The following PHF7 variants were observed in gnomAD, a reference collection of about 807,000 sequenced individuals.
The protein encoded by PHF7 is PHD finger protein 7, also known as E3 ubiquitin-protein ligase PHF7.
In PHF7, 24 loss-of-function variants were observed where a neutral mutation model predicts 47.5. The observed-to-expected ratio is 0.51, with a 90% CI of 0.37 to 0.71. The LOEUF is 0.71. Ranked by LOEUF, PHF7 falls within the 30% of genes least tolerant of loss-of-function variation. The pLI, the probability that PHF7 is intolerant of heterozygous loss-of-function variation, is 0.00. For missense variants in PHF7, 361 were observed against 456.8 expected (o/e 0.79, Z 1.91); for synonymous variants, 156 against 153.8 (o/e 1.01, Z -0.11).
At position 52,419,815 on chromosome 3, in the gene PHF7, G is replaced by T; in HGVS notation, c.187-18G>T. ...ACTGATCATCATTGTTAACAGCCTGGTTCTACTGCCCCCGCAGATCTTATC... is the reference window on the plus strand; with the variant it reads ...ACTGATCATCATTGTTAACAGCCTGTTTCTACTGCCCCCGCAGATCTTATC... On this transcript the variant is annotated intron_variant, in intron 4 of 10. Coordinates refer to ENST00000327906, the MANE Select transcript of PHF7 (RefSeq NM_016483.7). 1 of 1,379,704 alleles carries T rather than the reference G, an allele frequency of 7.2e-7. No homozygotes were observed. Among genetic ancestry groups the T allele is most frequent in the South Asian group, 1.2e-5 (1 of 83,102 alleles). The allele number at this position is 1,379,704 out of a possible 1,614,324, so 85.5% of individuals were successfully genotyped here. A position where few individuals can be genotyped will look rare whatever the true frequency, so the allele number is the denominator to read the frequency against.
chr3:52,423,085 C>T lies in PHF7; in HGVS notation c.920-6C>T, dbSNP rs1406420447. The T allele has an allele frequency of 6.3e-6, 10 of 1,597,176 alleles. No individual in the cohort carries two copies. Among genetic ancestry groups the T allele is most frequent in the Non-Finnish European group, 8.6e-6 (10 of 1,164,700 alleles). The stretch of plus-strand genomic sequence containing the variant: ...GAGTTTTCCTCTCCTGCCTTTCTCT[C>T]ACCAGACTACATACCTGAAAACTCA... On this transcript the variant is annotated splice_polypyrimidine_tract_variant and splice_region_variant and intron_variant, in intron 10 of 10. Coordinates refer to ENST00000327906, the MANE Select transcript of PHF7 (RefSeq NM_016483.7).
chr3:52,417,422 A>G (rs1220241138), intron 4 of PHF7, among the ~76,000 whole-genome samples: 2 of 152,344 alleles, frequency 1.3e-5, no homozygotes, highest in South Asian at 2.1e-4. Context: ...ATCCATGGAC[A>G]TGGTATATTT....
chr3:52,415,618 A>G (rs1705599858), intron 4 of PHF7, among the ~76,000 whole-genome samples: 1 of 152,218 alleles, frequency 6.6e-6, no homozygotes, highest in Non-Finnish European at 1.5e-5. Flanking sequence ...TACTTCATAT[A>G]AGTGAAATCA....
chr3:52,418,634 TAA>T (rs1049637878), intron 4 of PHF7, among the ~76,000 whole-genome samples: 1 of 152,126 alleles, frequency 6.6e-6, no homozygotes, highest in African/African-American at 2.4e-5. Context: ...TTCTCTGTAC[TAA>T]GAGGTGATGC....
At chr3:52,417,446 G>C (rs1437549167) in intron 4 of PHF7, among the ~76,000 whole-genome samples, 1 of 152,032 alleles carries the variant, frequency 6.6e-6, no homozygotes, top group Non-Finnish European at 1.5e-5. Context: ...CACTTATTTG[G>C]GTCTTTTAAA....
In PHF7 at chr3:52,423,469, T is replaced by G. The variant is rs1705860268; in HGVS notation, c.*152T>G. 1.6e-6 allele frequency: 1 copy of G among 607,492 alleles called. No homozygotes were observed. The highest frequency in any genetic ancestry group is 2.9e-6 in the Non-Finnish European group (1 of 339,350). 37.6% of individuals were successfully genotyped at this position (607,492 alleles called of 1,614,324 possible). A position where few individuals can be genotyped will look rare whatever the true frequency, so the allele number is the denominator to read the frequency against. On this transcript the variant is annotated 3_prime_UTR_variant, in exon 11 of 11. Coordinates refer to ENST00000327906, the MANE Select transcript of PHF7 (RefSeq NM_016483.7). ...AGCAAAGAGAAGTCTCAGTGGAGCA[T>G]GAGGAGGGAGCAGTCCAGATGCCAA... is the stretch of plus-strand genomic sequence containing the variant.
intron 1 of PHF7, 140 bp from the exon 2 acceptor site, chr3:52,412,671 C>T (rs1433024502): frequency 3.5e-6 from 2 of 569,162 alleles, no homozygotes; most frequent in Non-Finnish European, 6.3e-6. Context: ...TGTGAGTTAA[C>T]ACATGTCAAG....
rs939755371 is a variant in PHF7 at position 52,411,239 on chromosome 3, A to T, written c.-78A>T. The T allele has an allele frequency of 6.6e-6, 1 of 152,266 alleles. No homozygotes were observed. Among genetic ancestry groups the T allele is most frequent in the Non-Finnish European group, 1.5e-5 (1 of 68,062 alleles). 9.4% of individuals were successfully genotyped at this position (152,266 alleles called of 1,614,324 possible). On this transcript the variant is annotated 5_prime_UTR_variant, in exon 1 of 11. The change creates a new upstream start codon in the 5' untranslated region. Transcript: ENST00000327906. Reference sequence around the variant, plus strand: ...TTGGCCCAGCGATGCAAAGAACTGAAGTTTCAAGGTTTTATGTCTATTGCT... The same window carrying T: ...TTGGCCCAGCGATGCAAAGAACTGATGTTTCAAGGTTTTATGTCTATTGCT...
Position 52,419,814 on chromosome 3 carries a change from G to C in PHF7, c.187-19G>C. On this transcript the variant is annotated intron_variant, in intron 4 of 10. Coordinates refer to ENST00000327906, the MANE Select transcript of PHF7 (RefSeq NM_016483.7). ...CACTGATCATCATTGTTAACAGCCT[G>C]GTTCTACTGCCCCCGCAGATCTTAT... 3 of 1,351,244 alleles carry C rather than the reference G, an allele frequency of 2.2e-6. No homozygotes were observed. The East Asian group carries it at 6.9e-5, about 31-fold the overall frequency. 83.7% of individuals were successfully genotyped at this position (1,351,244 alleles called of 1,614,324 possible). A position where few individuals can be genotyped will look rare whatever the true frequency, so the allele number is the denominator to read the frequency against.
At chr3:52,415,615 T>C (rs1209421549) in intron 4 of PHF7, among the ~76,000 whole-genome samples, 3 of 152,250 alleles carry the variant, frequency 2.0e-5, no homozygotes, top group Non-Finnish European at 4.4e-5. Flanking sequence ...TTTTACTTCA[T>C]ATAAGTGAAA....
intron 4 of PHF7, 42 bp from the exon 5 acceptor site, chr3:52,419,791 C>T: frequency 9.0e-7 from 1 of 1,108,152 alleles, no homozygotes; most frequent in East Asian, 2.4e-5. Context: ...CACTGTTTCA[C>T]TGATCATCAT....
At chr3:52,421,380 T>C (rs887882249) in intron 7 of PHF7, among the ~76,000 whole-genome samples, 10 of 152,212 alleles carry the variant, frequency 6.6e-5, no homozygotes, top group African/African-American at 2.4e-4. Flanking sequence ...GGGAAACATG[T>C]ATCCAGGTGG....
intron 5 of PHF7, 141 bp from the exon 6 acceptor site, chr3:52,420,170 G>T: frequency 1.1e-6 from 1 of 952,200 alleles, no homozygotes; most frequent in South Asian, 1.3e-5. Flanking sequence ...TCAGCTTCCG[G>T]GTGCCCCAGA....
intron 2 of PHF7, among the ~76,000 whole-genome samples, chr3:52,413,372 A>C (rs945703974): frequency 6.6e-6 from 1 of 152,226 alleles, no homozygotes; most frequent in Non-Finnish European, 1.5e-5. Context: ...AGGTGGTACC[A>C]CCTGAGATTC....
At chr3:52,419,957 AC>A in intron 5 of PHF7, 23 bp downstream of exon 5, 1 of 1,395,180 alleles carries the variant, frequency 7.2e-7, no homozygotes, top group Non-Finnish European at 1.0e-6. Context: ...TGAAATGAGG[AC>A]CTTGGGGTAG....
At chr3:52,419,753 T>C (rs1037451601) in intron 4 of PHF7, 80 bp from the exon 5 acceptor site, 3 of 839,912 alleles carry the variant, frequency 3.6e-6, no homozygotes, top group Non-Finnish European at 6.0e-6. Flanking sequence ...TTTAGCTCTC[T>C]TACCCTGTCC....
At chr3:52,419,800 A>T (rs889924673) in intron 4 of PHF7, 33 bp from the exon 5 acceptor site, 6 of 1,196,172 alleles carry the variant, frequency 5.0e-6, no homozygotes, top group Non-Finnish European at 7.4e-6. Context: ...ACTGATCATC[A>T]TTGTTAACAG....
chr3:52,419,535 A>G (rs1371532933), intron 4 of PHF7, among the ~76,000 whole-genome samples: 1 of 148,472 alleles, frequency 6.7e-6, no homozygotes, highest in African/African-American at 2.5e-5. Flanking sequence ...GGTTCACGCC[A>G]TTCTCCTGCC....
At position 52,421,629 on chromosome 3, in the gene PHF7, T is replaced by C. The variant is rs775847624; in HGVS notation, c.574-19T>C. 25 of 1,397,364 alleles carry C rather than the reference T, an allele frequency of 1.8e-5. No individual in the cohort carries two copies. The highest frequency in any genetic ancestry group is 2.1e-5 in the Non-Finnish European group (21 of 982,226). 86.6% of individuals were successfully genotyped at this position (1,397,364 alleles called of 1,614,324 possible). ...AAGGGTTTTTACAAACACAGAGCTC[T>C]TCCCTGTTTCTCTTACAGAAATATG... On this transcript the variant is annotated intron_variant, in intron 7 of 10. Coordinates refer to ENST00000327906, the MANE Select transcript of PHF7 (RefSeq NM_016483.7).
Sources: allele counts gnomAD v4.1 joint callset (sites outside exome capture counted in the v4.1 genomes callset), GRCh38; gene constraint gnomAD v4.1.1; transcripts MANE v1.5; gene names NCBI Gene and HGNC (gene_info 2026-07-23, HGNC 2026-07-21).